The following RAPGEF4 variants were observed in gnomAD, a reference collection of about 807,000 sequenced individuals.
The protein encoded by RAPGEF4 is RAP guanine-nucleotide-exchange factor (GEF) 4.
RAPGEF4 carries 66 observed loss-of-function variants against 147.9 expected under a neutral mutation model. That is an observed-to-expected ratio of 0.45 (90% CI 0.37 to 0.55). RAPGEF4 has a LOEUF of 0.55. Ranked by LOEUF, RAPGEF4 falls within the 20% of genes least tolerant of loss-of-function variation. The pLI is 0.00. For synonymous variants in RAPGEF4, 419 were observed against 442.7 expected (o/e 0.95, Z 0.67); for missense variants, 1,071 against 1,257.3 (o/e 0.85, Z 2.24).
At chr2:172,746,550 A>G (rs1343428204) in intron 1 of RAPGEF4, among the ~76,000 whole-genome samples, 1 of 152,226 alleles carries the variant, frequency 6.6e-6, no homozygotes, top group African/African-American at 2.4e-5. Context: ...CTTTTATTGA[A>G]TAAAATTGAT....
At chr2:172,811,976 G>A (rs1344711695) in intron 3 of RAPGEF4, among the ~76,000 whole-genome samples, 2 of 152,128 alleles carry the variant, frequency 1.3e-5, no homozygotes, top group Non-Finnish European at 2.9e-5. Flanking sequence ...GTTCTTCTTG[G>A]CACCTTCTAT....
chr2:172,872,414 C>A (rs1232921921), intron 4 of RAPGEF4, among the ~76,000 whole-genome samples: 1 of 152,132 alleles, frequency 6.6e-6, no homozygotes, highest in Non-Finnish European at 1.5e-5. Flanking sequence ...AGTTGCCAAG[C>A]CCAGGGTAGT....
intron 4 of RAPGEF4, among the ~76,000 whole-genome samples, chr2:172,864,891 T>G (rs1694456387): frequency 6.6e-6 from 1 of 152,084 alleles, no homozygotes; most frequent in Non-Finnish European, 1.5e-5. Flanking sequence ...GGCCATGGAG[T>G]TAGACTCTGT....
chr2:172,905,925 C>G (rs1026155869), intron 4 of RAPGEF4, among the ~76,000 whole-genome samples: 2 of 152,194 alleles, frequency 1.3e-5, no homozygotes, highest in Non-Finnish European at 2.9e-5. Context: ...AGCCAGTGAT[C>G]TATTGTGGGA....
chr2:172,920,666 T>C (rs766738725), intron 5 of RAPGEF4, among the ~76,000 whole-genome samples: 1 of 152,174 alleles, frequency 6.6e-6, no homozygotes, highest in Non-Finnish European at 1.5e-5. Context: ...TCAGTGTCAT[T>C]TCTCTACAGA....
rs1272695820 is a variant in RAPGEF4 at position 173,018,668 on chromosome 2, T to C, written c.2021T>C (p.Val674Ala). 6.2e-7 allele frequency: 1 copy of C among 1,613,890 alleles called. No individual in the cohort carries two copies. The highest frequency in any genetic ancestry group is 1.7e-5 in the Admixed American group (1 of 59,988). The change falls in exon 22 of 31, where the codon GTC (valine) becomes GCC (alanine). Residue 674 changes from valine (V) to alanine (A), a missense_variant. Transcript: ENST00000397081. The part of the protein sequence containing the change: ...IRGSDEVLFK[V>A]YCMDHTYTTI... ...TGCCTTTGGATAGTTCTGTTTAAGG[T>C]CTATTGCATGGACCACACCTACACA...
chr2:172,823,696 T>A (rs1689349764), intron 4 of RAPGEF4, among the ~76,000 whole-genome samples: 2 of 152,158 alleles, frequency 1.3e-5, no homozygotes, highest in Admixed American at 6.5e-5. Context: ...GCAGCAGAAA[T>A]CCTGTCACTA....
chr2:173,033,802 A>G, intron 26 of RAPGEF4, 112 bp from the exon 27 acceptor site: 8 of 931,916 alleles, frequency 8.6e-6, no homozygotes, highest in Middle Eastern at 2.2e-4. Flanking sequence ...TGTCTCAGAG[A>G]TGTTTGATTA....
At chr2:172,741,817 G>A (rs1694323661) in intron 1 of RAPGEF4, among the ~76,000 whole-genome samples, 1 of 152,156 alleles carries the variant, frequency 6.6e-6, no homozygotes, top group Non-Finnish European at 1.5e-5. Context: ...GACCACAGAT[G>A]TGTATCTCCA....
chr2:172,983,372 C>T (rs1012726307), intron 10 of RAPGEF4, 124 bp from the exon 11 acceptor site: 36 of 1,479,788 alleles, frequency 2.4e-5, no homozygotes, highest in South Asian at 1.4e-5. Context: ...CCTCTCCCTC[C>T]GCCAATATCT....
At chr2:172,909,993 C>G (rs1265800148) in intron 4 of RAPGEF4, among the ~76,000 whole-genome samples, 1 of 152,172 alleles carries the variant, frequency 6.6e-6, no homozygotes, top group Non-Finnish European at 1.5e-5. Context: ...TCTGCTCATG[C>G]CACTGTGGGC....
At chr2:172,902,584 C>T (rs72908260) in intron 4 of RAPGEF4, among the ~76,000 whole-genome samples, 2 of 152,106 alleles carry the variant, frequency 1.3e-5, no homozygotes, top group Admixed American at 1.3e-4. Context: ...CTCTCATGCC[C>T]CACCCCTTCA....
chr2:172,999,995 C>A (rs3820843), intron 16 of RAPGEF4, among the ~76,000 whole-genome samples: 46,533 of 151,980 alleles, frequency 0.31, 7,245 homozygotes, highest in Non-Finnish European at 0.34. Flanking sequence ...GATATTACAG[C>A]CTCCTGGGTG....
At chr2:172,955,487 C>G (rs1688630169) in intron 6 of RAPGEF4, among the ~76,000 whole-genome samples, 1 of 152,172 alleles carries the variant, frequency 6.6e-6, no homozygotes, top group African/African-American at 2.4e-5. Flanking sequence ...AGCTGAATGC[C>G]TCTGCCTTTA....
chr2:172,937,638 T>G (rs1405716725), intron 6 of RAPGEF4, among the ~76,000 whole-genome samples: 1 of 152,172 alleles, frequency 6.6e-6, no homozygotes. Flanking sequence ...CTGCCCCGCT[T>G]TCCATACTGA....
intron 1 of RAPGEF4, among the ~76,000 whole-genome samples, chr2:172,768,329 C>CA (rs966626050): frequency 1.3e-4 from 20 of 151,974 alleles, no homozygotes; most frequent in African/African-American, 4.1e-4. Flanking sequence ...ATATATCTAC[C>CA]AAAAAACCTT....
Position 172,854,226 on chromosome 2 carries a change from AT to A in RAPGEF4, c.444+39808del, listed in dbSNP as rs538558562. 7.9e-5 allele frequency among the ~76,000 whole-genome samples: 12 copies of A among 152,004 alleles called. No homozygotes were observed. In the South Asian group the frequency reaches 2.1e-3, roughly 26 times the overall value. ...CAAGTATTTGTCTTTTTCTTCAATA[AT>A]TTTTTTAATTTTTTGCTTTTTAACA... On this transcript the variant is annotated intron_variant, in intron 4 of 30. Coordinates refer to ENST00000397081, the MANE Select transcript of RAPGEF4 (RefSeq NM_007023.4).
At chr2:172,906,300 G>A (rs565314187) in intron 4 of RAPGEF4, among the ~76,000 whole-genome samples, 192 of 152,278 alleles carry the variant, frequency 1.3e-3, no homozygotes, top group South Asian at 3.1e-3. Context: ...GGGACCTTAT[G>A]ATGAGACACA....
intron 4 of RAPGEF4, among the ~76,000 whole-genome samples, chr2:172,873,566 T>A (rs576402514): frequency 6.6e-6 from 1 of 152,280 alleles, no homozygotes; most frequent in South Asian, 2.1e-4. Context: ...ACAAATGCAA[T>A]GATTTAGGTA....
Sources: gnomAD v4.1 joint callset for allele counts (sites outside exome capture counted in the v4.1 genomes callset) on GRCh38, gnomAD v4.1.1 for gene constraint, MANE v1.5 for transcripts, NCBI Gene and HGNC (gene_info 2026-07-23, HGNC 2026-07-21) for gene names.